Variants in NCKAP5 observed in about 807,000 individuals in gnomAD.
NCKAP5 encodes the protein nck-associated protein 5.
In NCKAP5, 92 loss-of-function variants were observed where a neutral mutation model predicts 167.0. That is an observed-to-expected ratio of 0.55 (90% CI 0.47 to 0.66). NCKAP5 has a LOEUF of 0.66. Ranked by LOEUF, NCKAP5 falls within the 30% of genes least tolerant of loss-of-function variation. The pLI is 0.00. For missense variants in NCKAP5, 2,378 were observed against 2,315.0 expected, an observed-to-expected ratio of 1.03 and a Z score of -0.56; for synonymous variants, 891 against 877.4, an observed-to-expected ratio of 1.02 and a Z score of -0.27.
At chr2:133,348,376 A>C (rs1480670531) in intron 3 of NCKAP5, among the ~76,000 whole-genome samples, 2 of 152,218 alleles carry the variant, frequency 1.3e-5, no homozygotes, top group Non-Finnish European at 2.9e-5. Flanking sequence ...TGGGGAGTAG[A>C]GTTTAGAAAT....
chr2:133,056,831 A>G (rs992940428), intron 6 of NCKAP5, among the ~76,000 whole-genome samples: 1 of 152,232 alleles, frequency 6.6e-6, no homozygotes, highest in African/African-American at 2.4e-5. Context: ...CTGTAGCTCC[A>G]AAGTTGAAGC....
intron 9 of NCKAP5, among the ~76,000 whole-genome samples, chr2:132,869,403 A>T (rs993436222): frequency 6.6e-6 from 1 of 152,156 alleles, no homozygotes; most frequent in Non-Finnish European, 1.5e-5. Flanking sequence ...GCTTAATATT[A>T]CTTGCAATAG....
chr2:133,537,671 T>C (rs1685868065), intron 2 of NCKAP5, among the ~76,000 whole-genome samples: 1 of 152,178 alleles, frequency 6.6e-6, no homozygotes, highest in East Asian at 1.9e-4. Flanking sequence ...CTAACTTTTT[T>C]GTTCTTTGCT....
chr2:132,969,135 A>G (rs13428649), intron 7 of NCKAP5, among the ~76,000 whole-genome samples: 1 of 151,868 alleles, frequency 6.6e-6, no homozygotes, highest in Non-Finnish European at 1.5e-5. Flanking sequence ...CCTCCTGGGT[A>G]CAGGCGATTC....
At chr2:132,808,433 T>C (rs975829814) in intron 11 of NCKAP5, among the ~76,000 whole-genome samples, 1 of 152,198 alleles carries the variant, frequency 6.6e-6, no homozygotes, top group Admixed American at 6.5e-5. Context: ...CAGTTCAATC[T>C]CACTGCTTGT....
At chr2:133,181,479 T>A (rs557410773) in intron 5 of NCKAP5, among the ~76,000 whole-genome samples, 1 of 152,018 alleles carries the variant, frequency 6.6e-6, no homozygotes, top group East Asian at 1.9e-4. Flanking sequence ...AATAATTCCA[T>A]TGAAAGTAAA....
At chr2:132,725,857 A>G (rs1451734004) in intron 18 of NCKAP5, 98 bp from the exon 19 acceptor site, 2 of 1,271,278 alleles carry the variant, frequency 1.6e-6, no homozygotes, top group Admixed American at 2.4e-5. Context: ...CTGGCTGTCA[A>G]TGTGTGCACA....
rs146661167 is a variant in NCKAP5 at position 133,516,312 on chromosome 2, C to G, written c.69+1146G>C. Among the ~76,000 whole-genome samples, 15 of 152,206 alleles carry G rather than the reference C, an allele frequency of 9.9e-5. No individual in the cohort carries two copies. In the South Asian group the frequency reaches 2.9e-3, roughly 29 times the overall value. On this transcript the variant is annotated intron_variant, in intron 3 of 19. Transcript: ENST00000409261. ...ACACACTCACACACCAATGTCACCA[C>G]GTTCAACCTGGAGTTAGCAAGACGT... is the stretch of plus-strand genomic sequence containing the variant.
chr2:132,821,075 G>A (rs1686694475), intron 11 of NCKAP5, among the ~76,000 whole-genome samples: 1 of 152,196 alleles, frequency 6.6e-6, no homozygotes, highest in Non-Finnish European at 1.5e-5. Context: ...ATAACAGTGT[G>A]TGGACTCACA....
At chr2:133,182,958 T>C (rs2084797100) in intron 5 of NCKAP5, among the ~76,000 whole-genome samples, 1 of 152,222 alleles carries the variant, frequency 6.6e-6, no homozygotes, top group South Asian at 2.1e-4. Flanking sequence ...ATCAAAAGGA[T>C]AGTAAGAAAA....
chr2:133,386,671 G>A (rs1398740302), intron 3 of NCKAP5, among the ~76,000 whole-genome samples: 6 of 152,146 alleles, frequency 3.9e-5, no homozygotes, highest in Admixed American at 2.0e-4. Flanking sequence ...CATTATTATC[G>A]TGTGGGAGTC....
At chr2:133,248,211 T>C (rs1274582442) in intron 4 of NCKAP5, among the ~76,000 whole-genome samples, 2 of 152,342 alleles carry the variant, frequency 1.3e-5, no homozygotes, top group Non-Finnish European at 2.9e-5. Flanking sequence ...TAAAGCTACC[T>C]TGACTAAGTG....
intron 3 of NCKAP5, among the ~76,000 whole-genome samples, chr2:133,468,538 G>A (rs565360095): frequency 1.2e-4 from 19 of 152,054 alleles, no homozygotes; most frequent in South Asian, 6.2e-4. Context: ...CGCTTGGTGC[G>A]GAGCTGAGTT....
chr2:133,571,449 G>A (rs1688864620), upstream of NCKAP5, among the ~76,000 whole-genome samples: 2 of 152,140 alleles, frequency 1.3e-5, no homozygotes, highest in African/African-American at 4.8e-5. Flanking sequence ...CCCACCTGCT[G>A]AGTGTTGTCT....
chr2:132,728,169 A>G lies in NCKAP5; in HGVS notation c.5580+647T>C, dbSNP rs1003743734. ...TGGTGAAATGGCAAATAGGCTGACC[A>G]TGGTCAGAGTAACCTGCTGGAAACG... On this transcript the variant is annotated intron_variant, in intron 18 of 19. Coordinates refer to ENST00000409261, the MANE Select transcript of NCKAP5 (RefSeq NM_207363.3). Among the ~76,000 whole-genome samples, 23 of 152,284 alleles carry G rather than the reference A, an allele frequency of 1.5e-4. 1 individual carries two copies. The highest frequency in any genetic ancestry group is 4.8e-4 in the African/African-American group (20 of 41,562).
chr2:133,217,433 G>A (rs767065903), intron 4 of NCKAP5, among the ~76,000 whole-genome samples: 1 of 152,072 alleles, frequency 6.6e-6, no homozygotes, highest in Non-Finnish European at 1.5e-5. Flanking sequence ...TCTGTATACT[G>A]AAACATGGAG....
intron 17 of NCKAP5, among the ~76,000 whole-genome samples, chr2:132,730,982 C>T (rs1690945384): frequency 6.6e-6 from 1 of 152,182 alleles, no homozygotes; most frequent in Admixed American, 6.5e-5. Context: ...GCATAATCTC[C>T]ACTTGCAGCT....
chr2:133,189,002 T>C (rs2085082178), intron 5 of NCKAP5, among the ~76,000 whole-genome samples: 1 of 151,912 alleles, frequency 6.6e-6, no homozygotes, highest in Non-Finnish European at 1.5e-5. Context: ...AGGAGCTGGT[T>C]TTTCGAAAAG....
At chr2:132,936,276 C>T (rs1230559860) in intron 8 of NCKAP5, among the ~76,000 whole-genome samples, 2 of 152,078 alleles carry the variant, frequency 1.3e-5, no homozygotes, top group Non-Finnish European at 2.9e-5. Context: ...GCCACTGCAC[C>T]CAGACTGGAA....
Sources: allele counts gnomAD v4.1 joint callset (sites outside exome capture counted in the v4.1 genomes callset), GRCh38; gene constraint gnomAD v4.1.1; transcripts MANE v1.5; gene names NCBI Gene and HGNC (gene_info 2026-07-23, HGNC 2026-07-21).